Variants in ATXN1 observed in about 807,000 individuals in gnomAD.
ATXN1 encodes ataxin 1.
In ATXN1, 8 loss-of-function variants were observed where a neutral mutation model predicts 56.4. That is an observed-to-expected ratio of 0.14 (90% CI 0.08 to 0.26). The LOEUF (loss-of-function observed/expected upper bound fraction) is 0.26. Ranked by LOEUF, ATXN1 falls within the 10% of genes least tolerant of loss-of-function variation. The pLI, the probability that ATXN1 is intolerant of heterozygous loss-of-function variation, is 1.00. For synonymous variants in ATXN1, 514 were observed against 494.6 expected (o/e 1.04, Z -0.52); for missense variants, 987 against 1,106.5 (o/e 0.89, Z 1.53).
At chr6:16,641,105 AG>A (rs544348942) in intron 3 of ATXN1, among the ~76,000 whole-genome samples, 1 of 152,234 alleles carries the variant, frequency 6.6e-6, no homozygotes, top group Admixed American at 6.5e-5. Flanking sequence ...GAGAGAGGTG[AG>A]GAACTTGGAG....
In ATXN1 at chr6:16,740,690, T is replaced by TA. The variant is rs1315609079; in HGVS notation, c.-615+12542_-615+12543insT. Among the ~76,000 whole-genome samples, 363 of 152,212 alleles carry TA rather than the reference T, an allele frequency of 2.4e-3. 1 individual carries two copies. The highest frequency in any genetic ancestry group is 8.5e-3 in the African/African-American group (354 of 41,558). ...ACTATAAAAACATCTAACATATAATTTTTTATTTATTTATTTATTTTTTTT... is the reference window on the plus strand; with the variant it reads ...ACTATAAAAACATCTAACATATAATTATTTTATTTATTTATTTATTTTTTTT... On this transcript the variant is annotated intron_variant, in intron 2 of 7. Transcript: ENST00000436367.
chr6:16,305,329 C>T lies in ATXN1; in HGVS notation c.*1000G>A, dbSNP rs1561842913. ...CCATAGTCATGAACTATAAACAGTACTAGAGTTCAAAGACAAAAAGATTTC... is the reference window on the plus strand; with the variant it reads ...CCATAGTCATGAACTATAAACAGTATTAGAGTTCAAAGACAAAAAGATTTC... On this transcript the variant is annotated 3_prime_UTR_variant, in exon 8 of 8. Coordinates refer to ENST00000436367, the MANE Select transcript of ATXN1 (RefSeq NM_001128164.2). The T allele has an allele frequency of 5.9e-5, 9 of 151,532 alleles. No homozygotes were observed. Among genetic ancestry groups the T allele is most frequent in the Admixed American group, 3.3e-4 (5 of 15,168 alleles). The allele number at this position is 151,532 out of a possible 1,614,324, so 9.4% of individuals were successfully genotyped here.
chr6:16,677,641 C>T (rs548180068), intron 2 of ATXN1, among the ~76,000 whole-genome samples: 3 of 152,208 alleles, frequency 2.0e-5, no homozygotes, highest in Non-Finnish European at 2.9e-5. Context: ...ACATTTGTGC[C>T]GTTGTCTGCT....
intron 3 of ATXN1, among the ~76,000 whole-genome samples, chr6:16,597,197 G>A (rs1378794440): frequency 6.6e-6 from 1 of 152,226 alleles, no homozygotes; most frequent in Non-Finnish European, 1.5e-5. Flanking sequence ...ACCTCCGGTG[G>A]AAGGAGGAGA....
At chr6:16,352,795 C>T (rs1222523652) in intron 6 of ATXN1, among the ~76,000 whole-genome samples, 1 of 152,032 alleles carries the variant, frequency 6.6e-6, no homozygotes, top group East Asian at 1.9e-4. Flanking sequence ...TACATACCTA[C>T]GATAAAGTTT....
At chr6:16,639,492 T>C (rs979306886) in intron 3 of ATXN1, among the ~76,000 whole-genome samples, 2 of 152,170 alleles carry the variant, frequency 1.3e-5, no homozygotes, top group Non-Finnish European at 2.9e-5. Context: ...TTTGTATTTT[T>C]AGTAGAGATG....
intron 3 of ATXN1, among the ~76,000 whole-genome samples, chr6:16,634,345 C>T (rs1479461664): frequency 3.3e-5 from 5 of 152,118 alleles, no homozygotes; most frequent in East Asian, 1.9e-4. Context: ...TTCTGGGCCT[C>T]GGTTTTCTCA....
intron 3 of ATXN1, among the ~76,000 whole-genome samples, chr6:16,620,373 T>A (rs1763298326): frequency 6.6e-6 from 1 of 152,072 alleles, no homozygotes; most frequent in African/African-American, 2.4e-5. Context: ...ATTCTCCAGA[T>A]ATTGTGCTAT....
In ATXN1 at chr6:16,327,636, C is replaced by G. The variant is rs192671844; in HGVS notation, c.675G>C (p.Gln225His). ...QQQQQQQQQQ[Q>H]HLSRAPGLIT... Reference sequence around the variant, plus strand: ...TGAGCCCCGGAGCCCTGCTGAGGTGCTGCTGCTGCTGCTGCTGCTGCTGCT... The same window carrying G: ...TGAGCCCCGGAGCCCTGCTGAGGTGGTGCTGCTGCTGCTGCTGCTGCTGCT... Residue 225 changes from glutamine to histidine, a missense_variant, in exon 7 of 8, where the codon CAG (glutamine) becomes CAC (histidine). Gln to His is a conservative substitution (Grantham distance 24, BLOSUM62 0). Coordinates refer to ENST00000436367, the MANE Select transcript of ATXN1 (RefSeq NM_001128164.2). 1.1e-5 allele frequency: 12 copies of G among 1,086,102 alleles called. No homozygotes were observed. In the East Asian group the frequency reaches 2.7e-4, roughly 25 times the overall value. The allele number at this position is 1,086,102 out of a possible 1,614,324, so 67.3% of individuals were successfully genotyped here.
chr6:16,542,100 G>A (rs186881335), intron 4 of ATXN1, among the ~76,000 whole-genome samples: 19 of 151,772 alleles, frequency 1.3e-4, no homozygotes, highest in African/African-American at 3.6e-4. Flanking sequence ...GCTTTAAGGC[G>A]CTATAAGGCA....
intron 6 of ATXN1, among the ~76,000 whole-genome samples, chr6:16,441,736 G>C (rs974597331): frequency 6.6e-6 from 1 of 152,074 alleles, no homozygotes; most frequent in Admixed American, 6.5e-5. Flanking sequence ...TCTAGATGAA[G>C]ACCAAATAAG....
At chr6:16,341,386 T>A (rs1035642932) in intron 6 of ATXN1, among the ~76,000 whole-genome samples, 2 of 151,788 alleles carry the variant, frequency 1.3e-5, no homozygotes, top group African/African-American at 4.9e-5. Flanking sequence ...TTTAAAAACA[T>A]AATGTCCAGA....
At chr6:16,730,482 A>T (rs1054458218) in intron 2 of ATXN1, among the ~76,000 whole-genome samples, 2 of 84,978 alleles carry the variant, frequency 2.4e-5, no homozygotes, top group African/African-American at 8.9e-5. Context: ...AGGGTAAAAC[A>T]GTATGTATAT....
chr6:16,463,047 T>C (rs367689130), intron 6 of ATXN1, among the ~76,000 whole-genome samples: 13 of 152,258 alleles, frequency 8.5e-5, no homozygotes, highest in African/African-American at 3.1e-4. Flanking sequence ...TGGTTCCTAG[T>C]AGATACAAAA....
intron 6 of ATXN1, among the ~76,000 whole-genome samples, chr6:16,374,043 T>C (rs940801480): frequency 6.6e-6 from 1 of 151,952 alleles, no homozygotes; most frequent in Non-Finnish European, 1.5e-5. Flanking sequence ...TGATAATACA[T>C]TGTAATGACA....
intron 2 of ATXN1, among the ~76,000 whole-genome samples, chr6:16,694,239 CTTTT>C (rs57275122): frequency 7.6e-6 from 1 of 132,222 alleles, no homozygotes; most frequent in Admixed American, 7.6e-5. Context: ...TTTGTCACTT[CTTTT>C]TTTTTTTTCT....
intron 3 of ATXN1, among the ~76,000 whole-genome samples, chr6:16,643,141 G>A (rs1039479906): frequency 1.3e-4 from 19 of 151,940 alleles, no homozygotes; most frequent in African/African-American, 4.6e-4. Flanking sequence ...ATGGTGGCAG[G>A]CACCTATAGT....
intron 6 of ATXN1, among the ~76,000 whole-genome samples, chr6:16,466,728 G>T (rs1035142553): frequency 6.6e-6 from 1 of 152,124 alleles, no homozygotes; most frequent in Non-Finnish European, 1.5e-5. Flanking sequence ...AAATCTTCTG[G>T]AAGAAAACAC....
chr6:16,740,415 G>A (rs1439750292), intron 2 of ATXN1, among the ~76,000 whole-genome samples: 1 of 152,138 alleles, frequency 6.6e-6, no homozygotes, highest in Non-Finnish European at 1.5e-5. Context: ...ACATCTAGTA[G>A]AAAGACAGCA....
Sources: allele counts gnomAD v4.1 joint callset (sites outside exome capture counted in the v4.1 genomes callset), GRCh38; gene constraint gnomAD v4.1.1; transcripts MANE v1.5; gene names NCBI Gene and HGNC (gene_info 2026-07-23, HGNC 2026-07-21).